The following DNAJC5B variants were observed in gnomAD, a reference collection of about 807,000 sequenced individuals.
DNAJC5B encodes the protein dnaJ homolog subfamily C member 5B.
In DNAJC5B, 23 loss-of-function variants were observed where a neutral mutation model predicts 24.7. The ratio of observed to expected loss-of-function variants is 0.93; its 90% CI spans 0.67 to 1.32. The LOEUF (loss-of-function observed/expected upper bound fraction) is 1.32, where lower values mean the gene tolerates loss of function less well. Among genes scored for constraint, DNAJC5B ranks in the 40% most tolerant of loss-of-function variants. The pLI is 0.00. For synonymous variants in DNAJC5B, 101 were observed against 90.1 expected (o/e 1.12, Z -0.68); for missense variants, 238 against 240.8 (o/e 0.99, Z 0.08).
intron 1 of DNAJC5B, 101 bp from the exon 2 acceptor site, chr8:66,043,387 C>T (rs1806654987): frequency 6.6e-6 from 1 of 152,120 alleles, no homozygotes; most frequent in East Asian, 1.9e-4. Flanking sequence ...AACAAAGGAT[C>T]AAAAGTGGGC....
intron 1 of DNAJC5B, among the ~76,000 whole-genome samples, chr8:66,027,438 C>T (rs1442396124): frequency 6.6e-6 from 1 of 152,188 alleles, no homozygotes; most frequent in Non-Finnish European, 1.5e-5. Context: ...ATGATGGCCA[C>T]ACAAATGGAG....
intron 1 of DNAJC5B, among the ~76,000 whole-genome samples, chr8:66,035,350 G>A (rs1310630892): frequency 1.3e-5 from 2 of 152,186 alleles, no homozygotes; most frequent in African/African-American, 4.8e-5. Context: ...CCGTGGATGT[G>A]GCCTTATTTC....
At chr8:66,027,148 T>C (rs932637092) in intron 1 of DNAJC5B, among the ~76,000 whole-genome samples, 3 of 152,172 alleles carry the variant, frequency 2.0e-5, no homozygotes, top group African/African-American at 7.2e-5. Context: ...GGGTAAAGGG[T>C]ATCCTGCTGT....
In DNAJC5B at chr8:66,036,872, G is replaced by T. The variant is rs138467452; in HGVS notation, c.-141-6616G>T. ...TTGGGGCCACTTGCTGGATGTTCACGCCCAGGGCCTGGGGCAGGGGGACCT... is the reference window on the plus strand; with the variant it reads ...TTGGGGCCACTTGCTGGATGTTCACTCCCAGGGCCTGGGGCAGGGGGACCT... On this transcript the variant is annotated intron_variant, in intron 1 of 5. Coordinates refer to ENST00000276570, the MANE Select transcript of DNAJC5B (RefSeq NM_033105.6). Among the ~76,000 whole-genome samples the T allele has an allele frequency of 3.3e-5, 5 of 152,176 alleles. No homozygotes were observed. In the South Asian group the frequency reaches 8.3e-4, roughly 25 times the overall value.
chr8:66,032,853 T>C (rs1184877833), intron 1 of DNAJC5B, among the ~76,000 whole-genome samples: 4 of 152,212 alleles, frequency 2.6e-5, no homozygotes, highest in Non-Finnish European at 5.9e-5. Context: ...TAAACATAAC[T>C]ATGAGCCCCT....
chr8:66,016,684 A>G (rs535841213), upstream of DNAJC5B, among the ~76,000 whole-genome samples: 1 of 152,354 alleles, frequency 6.6e-6, no homozygotes, highest in South Asian at 2.1e-4. Flanking sequence ...TGAATTTTGT[A>G]GAACTCTCAG....
chr8:66,070,238 G>A (rs984620343), intron 3 of DNAJC5B, among the ~76,000 whole-genome samples: 8 of 152,158 alleles, frequency 5.3e-5, no homozygotes, highest in African/African-American at 1.9e-4. Context: ...AGAAATAAAG[G>A]TATTCAAATA....
intron 3 of DNAJC5B, among the ~76,000 whole-genome samples, chr8:66,055,526 A>G (rs1210808734): frequency 1.3e-5 from 2 of 152,244 alleles, no homozygotes; most frequent in African/African-American, 4.8e-5. Flanking sequence ...ATTTGATTAA[A>G]AGGAAAACAG....
intron 5 of DNAJC5B, among the ~76,000 whole-genome samples, chr8:66,099,151 G>A (rs539941006): frequency 6.6e-6 from 1 of 152,176 alleles, no homozygotes; most frequent in African/African-American, 2.4e-5. Flanking sequence ...CTAGGTTGAA[G>A]GTGAGGTCAT....
At chr8:66,087,237 G>A (rs1287434139) in intron 5 of DNAJC5B, among the ~76,000 whole-genome samples, 3 of 152,134 alleles carry the variant, frequency 2.0e-5, no homozygotes, top group Non-Finnish European at 4.4e-5. Context: ...CAAAGGGGAA[G>A]TTCCACACTT....
intron 3 of DNAJC5B, among the ~76,000 whole-genome samples, chr8:66,069,343 A>G (rs1235165147): frequency 2.0e-5 from 3 of 152,156 alleles, no homozygotes; most frequent in African/African-American, 4.8e-5. Flanking sequence ...TTAAGAATAC[A>G]GAAAATTTGA....
chr8:66,060,049 C>T (rs1413934781), intron 3 of DNAJC5B, among the ~76,000 whole-genome samples: 1 of 152,318 alleles, frequency 6.6e-6, no homozygotes, highest in South Asian at 2.1e-4. Flanking sequence ...GGCTCCTTTC[C>T]TCCTCTTTGT....
intron 5 of DNAJC5B, among the ~76,000 whole-genome samples, chr8:66,092,543 G>T (rs769282271): frequency 1.1e-4 from 16 of 152,070 alleles, no homozygotes; most frequent in Non-Finnish European, 2.2e-4. Context: ...AATATTAAAT[G>T]ATACAAATAA....
intron 1 of DNAJC5B, among the ~76,000 whole-genome samples, chr8:66,026,568 A>ACT (rs1266376977): frequency 1.3e-5 from 2 of 152,364 alleles, no homozygotes; most frequent in African/African-American, 4.8e-5. Flanking sequence ...AGGCGGCCAC[A>ACT]CTGGATCTCC....
chr8:66,083,005 T>TTTCTC (rs1181643703), intron 5 of DNAJC5B, among the ~76,000 whole-genome samples: 1 of 121,710 alleles, frequency 8.2e-6, no homozygotes, highest in Admixed American at 8.2e-5. Context: ...TTTCTTTTCT[T>TTTCTC]TTTTTTTTTT....
chr8:66,029,468 C>A (rs775399838), intron 1 of DNAJC5B, among the ~76,000 whole-genome samples: 1 of 152,120 alleles, frequency 6.6e-6, no homozygotes, highest in Non-Finnish European at 1.5e-5. Context: ...AGCTAAAGAT[C>A]AATGGGCAAG....
intron 5 of DNAJC5B, among the ~76,000 whole-genome samples, chr8:66,081,292 G>A (rs1563608356): frequency 6.6e-6 from 1 of 152,124 alleles, no homozygotes; most frequent in Non-Finnish European, 1.5e-5. Context: ...GTTTAAAGAA[G>A]CTGGGGTCAG....
At position 66,095,300 on chromosome 8, in the gene DNAJC5B, A is replaced by G. The variant is rs116189197; in HGVS notation, c.506-4637A>G. 2.6e-3 allele frequency among the ~76,000 whole-genome samples: 391 copies of G among 152,136 alleles called. 2 individuals carry two copies. Among genetic ancestry groups the G allele is most frequent in the African/African-American group, 8.9e-3 (371 of 41,560 alleles). ...GTTTCCCTTCTTTTTTATTTACAAA[A>G]AGAAAAAATGGTTTCTTCAAGATTT... On this transcript the variant is annotated intron_variant, in intron 5 of 5. Transcript: ENST00000276570.
chr8:66,067,175 AC>A (rs1206732572), intron 3 of DNAJC5B, among the ~76,000 whole-genome samples: 2 of 140,452 alleles, frequency 1.4e-5, no homozygotes, highest in Non-Finnish European at 3.1e-5. Flanking sequence ...GAAAGAACAC[AC>A]CCCCCACCCT....
Sources: gnomAD v4.1 joint callset for allele counts (sites outside exome capture counted in the v4.1 genomes callset) on GRCh38, gnomAD v4.1.1 for gene constraint, MANE v1.5 for transcripts, NCBI Gene and HGNC (gene_info 2026-07-23, HGNC 2026-07-21) for gene names.